The following KANK1 variants were observed in gnomAD, a reference collection of about 807,000 sequenced individuals.
KANK1 encodes KN motif and ankyrin repeat domain-containing protein 1.
A neutral mutation model predicts 106.2 loss-of-function variants in KANK1; 109 were observed. The ratio of observed to expected loss-of-function variants is 1.03; its 90% CI spans 0.88 to 1.20. KANK1 has a LOEUF of 1.20. KANK1 is among the 50% of genes most tolerant of loss of function. The pLI, the probability that KANK1 is intolerant of heterozygous loss-of-function variation, is 0.00. For missense variants in KANK1, 2,399 were observed against 1,710.7 expected (o/e 1.40, Z -7.10); for synonymous variants, 873 against 652.2 (o/e 1.34, Z -5.16).
upstream of KANK1, among the ~76,000 whole-genome samples, chr9:504,087 C>G (rs1020467453): frequency 2.6e-5 from 4 of 152,154 alleles, no homozygotes; most frequent in Non-Finnish European, 5.9e-5. Flanking sequence ...CAGAGCTCTG[C>G]ACGCTCCGGT....
intron 7 of KANK1, chr9:735,743 C>T (rs1352663322): frequency 6.8e-6 from 3 of 440,996 alleles, no homozygotes; most frequent in Non-Finnish European, 1.4e-5. Context: ...CCTATGATCC[C>T]AACACTTCGG....
intron 1 of KANK1, among the ~76,000 whole-genome samples, chr9:509,984 T>G (rs2058957970): frequency 1.3e-5 from 2 of 151,918 alleles, no homozygotes; most frequent in Admixed American, 6.6e-5. Flanking sequence ...CTTTTTTTTT[T>G]TTTTAGTTGT....
chr9:514,799 A>C (rs972045625), intron 1 of KANK1, among the ~76,000 whole-genome samples: 2 of 151,746 alleles, frequency 1.3e-5, no homozygotes, highest in African/African-American at 2.4e-5. Context: ...TAAGTTAGAT[A>C]TATATCTAGG....
intron 1 of KANK1, among the ~76,000 whole-genome samples, chr9:589,325 C>T (rs1230695353): frequency 6.6e-6 from 1 of 152,142 alleles, no homozygotes; most frequent in Admixed American, 6.5e-5. Context: ...TACTCTGGGC[C>T]TTCTGACTGT....
intron 1 of KANK1, among the ~76,000 whole-genome samples, chr9:669,465 A>C (rs1313797993): frequency 6.6e-6 from 1 of 152,114 alleles, no homozygotes; most frequent in Non-Finnish European, 1.5e-5. Context: ...TACTTGAAGG[A>C]TATTTCTGCT....
intron 2 of KANK1, among the ~76,000 whole-genome samples, chr9:698,465 T>C (rs1821850188): frequency 6.6e-6 from 1 of 152,100 alleles, no homozygotes; most frequent in South Asian, 2.1e-4. Flanking sequence ...GAGTCATCCA[T>C]TGGTTTAAAG....
rs186350156 is a variant in KANK1, at chr9:604,402, T to C, written c.-83-72488T>C. Among the ~76,000 whole-genome samples the C allele has an allele frequency of 9.0e-4, 136 of 151,804 alleles. 1 individual carries two copies. The highest frequency in any genetic ancestry group is 3.2e-3 in the African/African-American group (132 of 41,130). ...GGTTTACCCCATGCTGTCCTCCTGA[T>C]AGCGAGGGAGTTCTCATGAGATCTA... is the stretch of plus-strand genomic sequence containing the variant. On this transcript the variant is annotated intron_variant, in intron 1 of 11. Coordinates refer to ENST00000382297, the MANE Select transcript of KANK1 (RefSeq NM_015158.5).
At chr9:714,606 C>T (rs966343392) in intron 3 of KANK1, among the ~76,000 whole-genome samples, 10 of 152,144 alleles carry the variant, frequency 6.6e-5, no homozygotes, top group Non-Finnish European at 1.5e-4. Flanking sequence ...GATCTACCCA[C>T]CTCGGCCTCC....
chr9:476,144 CAA>C (rs559563234), intron 3 of KANK1, among the ~76,000 whole-genome samples: 20 of 108,732 alleles, frequency 1.8e-4, no homozygotes, highest in African/African-American at 1.7e-4. Context: ...AACTCCATCT[CAA>C]AAAAAAAAAA....
rs1003467425 is a variant in KANK1 at position 721,050 on chromosome 9, T to C, written c.2698+7586T>C. Among the ~76,000 whole-genome samples, 16 of 152,298 alleles carry C rather than the reference T, an allele frequency of 1.1e-4. No homozygotes were observed. In the East Asian group the frequency reaches 2.9e-3, roughly 28 times the overall value. On this transcript the variant is annotated intron_variant, in intron 3 of 11. Transcript: ENST00000382297. ...ACAATAGAATCACCTAGGGAGAAGT[T>C]TGAAAATACTGATGCCTGCAATTGG... is the stretch of plus-strand genomic sequence containing the variant.
intron 1 of KANK1, 92 bp from the exon 2 acceptor site, chr9:676,798 G>C (rs1816504579): frequency 1.7e-6 from 1 of 578,824 alleles, no homozygotes. Flanking sequence ...TCCTTTCTCT[G>C]TTAGCAGTCA....
intron 1 of KANK1, among the ~76,000 whole-genome samples, chr9:662,494 A>C (rs1843561006): frequency 6.6e-6 from 1 of 152,080 alleles, no homozygotes; most frequent in East Asian, 1.9e-4. Context: ...CACTAATGGA[A>C]TGGAACAGAG....
chr9:583,856 G>A (rs532333877), intron 1 of KANK1, among the ~76,000 whole-genome samples: 13 of 152,030 alleles, frequency 8.6e-5, no homozygotes, highest in South Asian at 2.1e-4. Flanking sequence ...AAAAAGGTGC[G>A]AAGTGTTCAA....
At chr9:716,832 T>C (rs1827840741) in intron 3 of KANK1, among the ~76,000 whole-genome samples, 1 of 152,160 alleles carries the variant, frequency 6.6e-6, no homozygotes, top group South Asian at 2.1e-4. Flanking sequence ...TTTTTAATTA[T>C]CTGGTCATGT....
At chr9:526,156 A>G (rs2059781714) in intron 1 of KANK1, among the ~76,000 whole-genome samples, 2 of 151,700 alleles carry the variant, frequency 1.3e-5, no homozygotes, top group Admixed American at 1.3e-4. Context: ...TTTTGGAGCT[A>G]ATGAGAAACC....
chr9:534,206 A>G (rs1587587313), intron 1 of KANK1, among the ~76,000 whole-genome samples: 1 of 152,212 alleles, frequency 6.6e-6, no homozygotes, highest in Admixed American at 6.5e-5. Flanking sequence ...GACTGACCCA[A>G]CTTGTGGAAA....
intron 8 of KANK1, among the ~76,000 whole-genome samples, chr9:739,564 A>G (rs961361477): frequency 6.6e-6 from 1 of 152,238 alleles, no homozygotes; most frequent in Non-Finnish European, 1.5e-5. Flanking sequence ...CAGGCTTTCT[A>G]GACTATAAAC....
intron 3 of KANK1, among the ~76,000 whole-genome samples, chr9:490,243 T>A (rs537503669): frequency 1.3e-5 from 2 of 152,340 alleles, no homozygotes; most frequent in African/African-American, 2.4e-5. Context: ...AGTTCACACC[T>A]ATAATCCCAG....
intron 1 of KANK1, among the ~76,000 whole-genome samples, chr9:567,880 C>T (rs1360489114): frequency 6.6e-6 from 1 of 152,124 alleles, no homozygotes; most frequent in Non-Finnish European, 1.5e-5. Flanking sequence ...TTAAGAGGCC[C>T]AGTGGTATTG....
Sources: allele counts gnomAD v4.1 joint callset (sites outside exome capture counted in the v4.1 genomes callset), GRCh38; gene constraint gnomAD v4.1.1; transcripts MANE v1.5; gene names NCBI Gene and HGNC (gene_info 2026-07-23, HGNC 2026-07-21).